Variants in IL2RB observed in about 807,000 individuals in gnomAD.
The protein encoded by IL2RB is interleukin-2 receptor subunit beta.
A neutral mutation model predicts 44.2 loss-of-function variants in IL2RB; 17 were observed. The ratio of observed to expected loss-of-function variants is 0.38; its 90% confidence interval spans 0.26 to 0.58. The LOEUF (loss-of-function observed/expected upper bound fraction) is 0.58, where lower values mean the gene tolerates loss of function less well. Ranked by LOEUF, IL2RB falls within the 20% of genes least tolerant of loss-of-function variation. The probability of loss-of-function intolerance (pLI) is 0.63; values close to 1 mark genes in which losing one functional copy is unlikely to be tolerated. For synonymous variants in IL2RB, 286 were observed against 297.9 expected, an observed-to-expected ratio of 0.96 and a Z score of 0.41; for missense variants, 624 against 685.5, an observed-to-expected ratio of 0.91 and a Z score of 1.00.
chr22:37,139,308 G>T, intron 4 of IL2RB, 86 bp from the exon 5 acceptor site: 1 of 867,572 alleles, frequency 1.2e-6, no homozygotes, highest in Non-Finnish European at 1.9e-6. Context: ...TGGGAAGGAT[G>T]GCAGCCTCTC....
chr22:37,148,067 A>G (rs12160547), intron 1 of IL2RB, among the ~76,000 whole-genome samples: 7,437 of 152,280 alleles, frequency 0.049, 587 homozygotes, highest in African/African-American at 0.17. Flanking sequence ...GAAGGTGCTG[A>G]GGGACAAAGG....
chr22:37,172,510 G>C (rs567277257), intron 1 of IL2RB, among the ~76,000 whole-genome samples: 134 of 152,292 alleles, frequency 8.8e-4, no homozygotes, highest in Admixed American at 1.5e-3. Context: ...CAAGGGTGGG[G>C]TAAGGGGCTG....
chr22:37,158,522 C>T (rs1922755954), intron 1 of IL2RB, among the ~76,000 whole-genome samples: 1 of 151,954 alleles, frequency 6.6e-6, no homozygotes, highest in Non-Finnish European at 1.5e-5. Context: ...TGCGCAACCG[C>T]ACTCGAGCCT....
chr22:37,142,835 A>G, intron 3 of IL2RB: 1 of 461,210 alleles, frequency 2.2e-6, no homozygotes, highest in South Asian at 2.0e-5. Context: ...ATGAAGATAG[A>G]TCCTTAATTA....
intron 1 of IL2RB, among the ~76,000 whole-genome samples, chr22:37,163,834 G>A (rs1050732065): frequency 6.6e-6 from 1 of 152,244 alleles, no homozygotes; most frequent in Non-Finnish European, 1.5e-5. Context: ...AGGGGACGAA[G>A]GGCCCCAGGC....
rs566486203 is a variant in IL2RB, at chr22:37,130,465, C to T, written c.904-1617G>A. 3.0e-4 allele frequency among the ~76,000 whole-genome samples: 45 copies of T among 152,338 alleles called. 1 individual carries two copies. Among genetic ancestry groups the T allele is most frequent in the Admixed American group, 2.5e-3 (39 of 15,310 alleles). On this transcript the variant is annotated intron_variant, in intron 9 of 9. Transcript: ENST00000216223. ...GATCCCCTGGGAAGTGGGGGTGGGCCTTGTGGCCCCTGTGGGTCCTAGGGT... is the reference window on the plus strand; with the variant it reads ...GATCCCCTGGGAAGTGGGGGTGGGCTTTGTGGCCCCTGTGGGTCCTAGGGT...
chr22:37,150,086 G>GCACACACACACACACACACA (rs746303210), upstream of IL2RB: 2 of 138,294 alleles, frequency 1.4e-5, no homozygotes, highest in Non-Finnish European at 3.1e-5. Flanking sequence ...GCTGGGGGCG[G>GCACACACACACACACACACA]CACACACACA....
chr22:37,131,731 A>G (rs1921437971), intron 9 of IL2RB, among the ~76,000 whole-genome samples: 2 of 151,510 alleles, frequency 1.3e-5, no homozygotes, highest in Non-Finnish European at 2.9e-5. Context: ...GTAATACCAG[A>G]TAGGGTACTT....
In IL2RB at chr22:37,126,269, A is replaced by G. The variant is rs1314929862; in HGVS notation, c.*1827T>C. On this transcript the variant is annotated 3_prime_UTR_variant, in exon 10 of 10. Coordinates refer to ENST00000216223, the MANE Select transcript of IL2RB (RefSeq NM_000878.5). ...ACTGTCCAATAATTCAGCTTTTTTC[A>G]AGGCATAGACCCAAGACTCAGACAA... 1 of 152,180 alleles carries G rather than the reference A, an allele frequency of 6.6e-6. No homozygotes were observed. Among genetic ancestry groups the G allele is most frequent in the Non-Finnish European group, 1.5e-5 (1 of 68,008 alleles). 9.4% of individuals were successfully genotyped at this position (152,180 alleles called of 1,614,324 possible). A position where few individuals can be genotyped will look rare whatever the true frequency, so the allele number is the denominator to read the frequency against.
intron 1 of IL2RB, among the ~76,000 whole-genome samples, chr22:37,163,949 G>T (rs1922971064): frequency 6.6e-6 from 1 of 152,268 alleles, no homozygotes; most frequent in Non-Finnish European, 1.5e-5. Flanking sequence ...AGCTCAGGTG[G>T]CAGCCAGCAG....
At chr22:37,143,763 G>C in intron 2 of IL2RB, 128 bp from the exon 3 acceptor site, 1 of 718,668 alleles carries the variant, frequency 1.4e-6, no homozygotes, top group Non-Finnish European at 2.4e-6. Flanking sequence ...GGCAAGCGGA[G>C]AAGGGATTCA....
chr22:37,143,884 C>CCTGTGTGTGT (rs1236054029), intron 2 of IL2RB, among the ~76,000 whole-genome samples: 73 of 139,802 alleles, frequency 5.2e-4, no homozygotes, highest in African/African-American at 1.9e-3. Flanking sequence ...CTTGGAGAGG[C>CCTGTGTGTGT]GTGTGTGTGT....
chr22:37,137,024 T>C (rs1416100315), intron 6 of IL2RB, among the ~76,000 whole-genome samples: 1 of 152,178 alleles, frequency 6.6e-6, no homozygotes, highest in African/African-American at 2.4e-5. Context: ...AACTTATCAC[T>C]ATCCGGGTGC....
chr22:37,163,775 C>T (rs1212512980), intron 1 of IL2RB, among the ~76,000 whole-genome samples: 2 of 152,222 alleles, frequency 1.3e-5, no homozygotes, highest in Non-Finnish European at 1.5e-5. Flanking sequence ...GAGCCTGTGA[C>T]CTTGATTTCA....
chr22:37,171,475 T>C (rs1360525722), intron 1 of IL2RB, among the ~76,000 whole-genome samples: 1 of 151,760 alleles, frequency 6.6e-6, no homozygotes, highest in African/African-American at 2.4e-5. Context: ...GGTTAAAAGA[T>C]GAAAAACGCT....
At chr22:37,130,027 ACACACACACACACG>A (rs1166947190) in intron 9 of IL2RB, among the ~76,000 whole-genome samples, 2 of 140,226 alleles carry the variant, frequency 1.4e-5, no homozygotes, top group East Asian at 3.9e-4. Flanking sequence ...TGCTCCGCAG[ACACACACACACACG>A]CTTACATGCA....
rs868233806 is a variant in IL2RB, at chr22:37,159,543, T to C, written c.-33-15338A>G. The stretch of plus-strand genomic sequence containing the variant: ...GTATCACCTGGCCCTACAACATATA[T>C]AGAGAGAAACTGTAAAACCTCTGCC... On this transcript the variant is annotated intron_variant, in intron 1 of 5. Transcript: ENST00000429622. 2.6e-5 allele frequency among the ~76,000 whole-genome samples: 4 copies of C among 152,050 alleles called. No individual in the cohort carries two copies. The East Asian group carries it at 7.7e-4, about 29-fold the overall frequency.
At chr22:37,148,418 C>G (rs1922333351) in intron 1 of IL2RB, among the ~76,000 whole-genome samples, 1 of 152,172 alleles carries the variant, frequency 6.6e-6, no homozygotes, top group Non-Finnish European at 1.5e-5. Context: ...TTGAGCACCC[C>G]CTCCTGGGTC....
chr22:37,138,007 T>C (rs1921792930), intron 5 of IL2RB, among the ~76,000 whole-genome samples: 1 of 152,276 alleles, frequency 6.6e-6, no homozygotes, highest in South Asian at 2.1e-4. Context: ...ATATATGGTT[T>C]GGTTTCTTTA....
Sources: gnomAD v4.1 joint callset for allele counts (sites outside exome capture counted in the v4.1 genomes callset) on GRCh38, gnomAD v4.1.1 for gene constraint, MANE v1.5 for transcripts, NCBI Gene and HGNC (gene_info 2026-07-23, HGNC 2026-07-21) for gene names.